CDH18: variants seen among roughly 807,000 people sequenced by gnomAD.
CDH18 encodes cadherin-18.
CDH18 carries 31 observed loss-of-function variants against 67.9 expected under a neutral mutation model. The ratio of observed to expected loss-of-function variants is 0.46; its 90% confidence interval spans 0.34 to 0.62. CDH18 has a LOEUF of 0.62. Ranked by LOEUF, CDH18 falls within the 20% of genes least tolerant of loss-of-function variation. CDH18 has a pLI of 0.01. For synonymous variants in CDH18, 362 were observed against 347.2 expected (o/e 1.04, Z -0.48); for missense variants, 890 against 975.5 (o/e 0.91, Z 1.17).
chr5:20,093,253 A>C (rs1262596491), intron 2 of CDH18, among the ~76,000 whole-genome samples: 5 of 151,984 alleles, frequency 3.3e-5, no homozygotes, highest in African/African-American at 1.2e-4. Flanking sequence ...ACACACACTC[A>C]CACGAATATA....
intron 5 of CDH18, among the ~76,000 whole-genome samples, chr5:19,655,844 C>A (rs1756287386): frequency 6.6e-6 from 1 of 152,132 alleles, no homozygotes; most frequent in East Asian, 1.9e-4. Context: ...AAAGCACTCT[C>A]TAACAGGCTG....
intron 2 of CDH18, among the ~76,000 whole-genome samples, chr5:20,205,151 A>G (rs771474022): frequency 5.3e-5 from 8 of 151,962 alleles, no homozygotes; most frequent in Non-Finnish European, 1.2e-4. Flanking sequence ...CACTTAACCT[A>G]TAAATGCGTA....
intron 1 of CDH18, among the ~76,000 whole-genome samples, chr5:20,308,676 A>G (rs953254400): frequency 6.6e-6 from 1 of 152,204 alleles, no homozygotes; most frequent in African/African-American, 2.4e-5. Flanking sequence ...GTAAACAAGC[A>G]TTAGAAATCA....
chr5:19,736,060 A>G (rs1253361154), intron 4 of CDH18, among the ~76,000 whole-genome samples: 2 of 152,246 alleles, frequency 1.3e-5, no homozygotes, highest in Non-Finnish European at 2.9e-5. Context: ...ATGAAAATTA[A>G]GTGAACAATT....
chr5:20,184,795 T>A (rs1051377319), intron 2 of CDH18, among the ~76,000 whole-genome samples: 1 of 152,130 alleles, frequency 6.6e-6, no homozygotes, highest in African/African-American at 2.4e-5. Context: ...AAAAAGGGAC[T>A]GTGTGTTCTA....
At chr5:20,463,767 T>G (rs1411453152) in intron 1 of CDH18, among the ~76,000 whole-genome samples, 1 of 152,168 alleles carries the variant, frequency 6.6e-6, no homozygotes, top group Non-Finnish European at 1.5e-5. Flanking sequence ...ACTTGAATTG[T>G]GAGGAATGCC....
At chr5:20,256,005 G>C (rs1744205559) in intron 1 of CDH18, among the ~76,000 whole-genome samples, 1 of 151,552 alleles carries the variant, frequency 6.6e-6, no homozygotes, top group South Asian at 2.1e-4. Context: ...CAAGAAACAA[G>C]GTTCAGTATA....
At chr5:20,361,537 C>T (rs1742088053) in intron 1 of CDH18, among the ~76,000 whole-genome samples, 1 of 151,984 alleles carries the variant, frequency 6.6e-6, no homozygotes, top group Non-Finnish European at 1.5e-5. Context: ...GGGTCCCTAT[C>T]TTTGTAAATA....
At chr5:20,336,691 C>CCAG (rs1211390724) in intron 1 of CDH18, among the ~76,000 whole-genome samples, 4 of 127,190 alleles carry the variant, frequency 3.1e-5, no homozygotes, top group Non-Finnish European at 4.8e-5. Context: ...CCACTGCACT[C>CCAG]CAGCCTGGGC....
chr5:20,462,972 TG>T (rs1751376018), intron 1 of CDH18, among the ~76,000 whole-genome samples: 1 of 152,172 alleles, frequency 6.6e-6, no homozygotes, highest in Non-Finnish European at 1.5e-5. Context: ...TCACATACTC[TG>T]GAGCAAAACT....
chr5:20,248,656 C>G (rs1743570377), intron 2 of CDH18, among the ~76,000 whole-genome samples: 1 of 152,204 alleles, frequency 6.6e-6, no homozygotes, highest in Admixed American at 6.5e-5. Flanking sequence ...TAAGTCAACC[C>G]TGTGTGACCT....
chr5:20,409,542 T>G (rs573014156), intron 1 of CDH18, among the ~76,000 whole-genome samples: 1 of 151,822 alleles, frequency 6.6e-6, no homozygotes, highest in South Asian at 2.1e-4. Context: ...AAGTTTATAT[T>G]GATAAATACC....
intron 1 of CDH18, among the ~76,000 whole-genome samples, chr5:20,428,239 T>C (rs1748464203): frequency 6.6e-6 from 1 of 150,948 alleles, no homozygotes; most frequent in Non-Finnish European, 1.5e-5. Context: ...AATGATGGCT[T>C]CTAGCTTCAT....
chr5:19,817,297 T>C (rs1038911528), intron 3 of CDH18, among the ~76,000 whole-genome samples: 7 of 151,986 alleles, frequency 4.6e-5, no homozygotes, highest in African/African-American at 1.4e-4. Flanking sequence ...GCAACATCTA[T>C]GGAGGAGGCT....
Position 19,471,492 on chromosome 5 carries a change from C to A in CDH18, c.*1734G>T, listed in dbSNP as rs1737648295. ...AAATGTCATATAACTTTTGGGGACA[C>A]TGATAATGATAAATTTAAAGAGCAA... On this transcript the variant is annotated 3_prime_UTR_variant, in exon 13 of 13. Coordinates refer to ENST00000382275, the MANE Select transcript of CDH18 (RefSeq NM_004934.5). Among the ~76,000 whole-genome samples the A allele has an allele frequency of 6.6e-6, 1 of 151,958 alleles. No individual in the cohort carries two copies. The highest frequency in any genetic ancestry group is 2.4e-5 in the African/African-American group (1 of 41,388).
chr5:20,088,246 C>T (rs894792612), intron 2 of CDH18, among the ~76,000 whole-genome samples: 2 of 152,142 alleles, frequency 1.3e-5, no homozygotes, highest in Non-Finnish European at 2.9e-5. Flanking sequence ...TGTGGTTTCA[C>T]TTAAAACTAT....
chr5:20,346,537 T>C (rs1227774012), intron 1 of CDH18, among the ~76,000 whole-genome samples: 1 of 152,144 alleles, frequency 6.6e-6, no homozygotes, highest in Non-Finnish European at 1.5e-5. Flanking sequence ...CTATCTTTTA[T>C]GCATCTCAGG....
intron 5 of CDH18, among the ~76,000 whole-genome samples, chr5:19,644,586 T>C (rs1320410965): frequency 6.6e-6 from 1 of 152,118 alleles, no homozygotes; most frequent in Non-Finnish European, 1.5e-5. Context: ...GGGTCATAGC[T>C]AGAAAGAAGT....
At chr5:19,537,692 C>T (rs2127031602) in intron 9 of CDH18, among the ~76,000 whole-genome samples, 1 of 152,052 alleles carries the variant, frequency 6.6e-6, no homozygotes, top group South Asian at 2.1e-4. Context: ...CTCTCTTATC[C>T]CTAAAAAATC....
Sources: allele counts gnomAD v4.1 joint callset (sites outside exome capture counted in the v4.1 genomes callset), GRCh38; gene constraint gnomAD v4.1.1; transcripts MANE v1.5; gene names NCBI Gene and HGNC (gene_info 2026-07-23, HGNC 2026-07-21).